KCNH7: variants seen among roughly 807,000 people sequenced by gnomAD.
KCNH7 encodes voltage-gated inwardly rectifying potassium channel KCNH7.
A neutral mutation model predicts 120.8 loss-of-function variants in KCNH7; 49 were observed. That is an observed-to-expected ratio of 0.41 (90% confidence interval 0.32 to 0.51). KCNH7 has a LOEUF of 0.51. Ranked by LOEUF, KCNH7 falls within the 20% of genes least tolerant of loss-of-function variation. KCNH7 has a pLI of 0.38. For missense variants in KCNH7, 1,097 were observed against 1,446.6 expected (o/e 0.76, Z 3.92); for synonymous variants, 547 against 516.1 (o/e 1.06, Z -0.81).
At chr2:162,506,721 A>G (rs542731329) in intron 5 of KCNH7, among the ~76,000 whole-genome samples, 1 of 151,930 alleles carries the variant, frequency 6.6e-6, no homozygotes, top group Admixed American at 6.6e-5. Context: ...CACCGATTCT[A>G]CAATGTTAAT....
intron 2 of KCNH7, among the ~76,000 whole-genome samples, chr2:162,829,686 A>G (rs984084642): frequency 3.9e-5 from 6 of 152,094 alleles, no homozygotes; most frequent in Middle Eastern, 3.2e-3. Context: ...TATGAAGATG[A>G]TTTAATATCT....
chr2:162,601,933 T>C (rs1173025889), intron 2 of KCNH7, among the ~76,000 whole-genome samples: 1 of 152,174 alleles, frequency 6.6e-6, no homozygotes, highest in East Asian at 1.9e-4. Flanking sequence ...TAAAAAGAAA[T>C]TATTACAAAA....
chr2:162,510,110 A>G (rs1691019354), intron 5 of KCNH7, among the ~76,000 whole-genome samples: 1 of 151,580 alleles, frequency 6.6e-6, no homozygotes, highest in Non-Finnish European at 1.5e-5. Context: ...AAATTATAAT[A>G]CATACATATG....
chr2:162,417,427 C>G (rs1007666373), intron 9 of KCNH7, among the ~76,000 whole-genome samples: 13 of 152,084 alleles, frequency 8.5e-5, no homozygotes, highest in Non-Finnish European at 1.2e-4. Context: ...CACATCATAC[C>G]CTTCAGCATA....
intron 2 of KCNH7, among the ~76,000 whole-genome samples, chr2:162,722,827 T>C (rs1687373327): frequency 6.8e-6 from 1 of 147,504 alleles, no homozygotes; most frequent in Non-Finnish European, 1.5e-5. Flanking sequence ...TTTTTTTTTT[T>C]TTTTGCTTCT....
chr2:162,598,754 A>T (rs1694457584), intron 2 of KCNH7, among the ~76,000 whole-genome samples: 1 of 152,148 alleles, frequency 6.6e-6, no homozygotes, highest in African/African-American at 2.4e-5. Context: ...ATAGTATAAA[A>T]GGTTTCACCC....
chr2:162,623,242 TCA>T (rs1419481232), intron 2 of KCNH7, among the ~76,000 whole-genome samples: 1 of 152,168 alleles, frequency 6.6e-6, no homozygotes, highest in East Asian at 1.9e-4. Context: ...CAAATATTTG[TCA>T]GTCACTAACA....
At chr2:162,544,512 G>A (rs1388097275) in intron 2 of KCNH7, among the ~76,000 whole-genome samples, 5 of 152,042 alleles carry the variant, frequency 3.3e-5, no homozygotes, top group Non-Finnish European at 4.4e-5. Context: ...TGTCCCTCCC[G>A]TCCCTTGGTC....
At chr2:162,776,706 C>T (rs1683254908) in intron 2 of KCNH7, among the ~76,000 whole-genome samples, 1 of 152,142 alleles carries the variant, frequency 6.6e-6, no homozygotes, top group Admixed American at 6.6e-5. Context: ...GACTGTACTG[C>T]ATTCCATAAT....
intron 2 of KCNH7, among the ~76,000 whole-genome samples, chr2:162,638,878 C>T (rs1356909586): frequency 6.6e-6 from 1 of 152,116 alleles, no homozygotes; most frequent in Non-Finnish European, 1.5e-5. Context: ...TGGTGAACTG[C>T]AAGCTATTTT....
At chr2:162,461,790 G>A (rs1689156152) in intron 6 of KCNH7, among the ~76,000 whole-genome samples, 1 of 152,162 alleles carries the variant, frequency 6.6e-6, no homozygotes, top group Non-Finnish European at 1.5e-5. Context: ...GCAAGTGATA[G>A]CATATGTCCT....
chr2:162,449,977 T>C (rs1314688407), intron 6 of KCNH7, among the ~76,000 whole-genome samples: 1 of 152,098 alleles, frequency 6.6e-6, no homozygotes, highest in Non-Finnish European at 1.5e-5. Flanking sequence ...GAAATTTGAC[T>C]ATTGTGTATG....
At chr2:162,731,249 TA>T (rs1175022805) in intron 2 of KCNH7, among the ~76,000 whole-genome samples, 2 of 148,696 alleles carry the variant, frequency 1.3e-5, no homozygotes, top group African/African-American at 2.4e-5. Context: ...TGTGTGTGTG[TA>T]TAATATTATA....
intron 2 of KCNH7, among the ~76,000 whole-genome samples, chr2:162,572,839 T>A (rs551474191): frequency 3.0e-4 from 45 of 151,008 alleles, no homozygotes; most frequent in Non-Finnish European, 5.6e-4. Flanking sequence ...TAGGTGGGAA[T>A]TGAACACTGA....
chr2:162,600,607 C>G (rs1694519678), intron 2 of KCNH7, among the ~76,000 whole-genome samples: 1 of 151,884 alleles, frequency 6.6e-6, no homozygotes, highest in African/African-American at 2.4e-5. Flanking sequence ...CTTTCAAAGT[C>G]AGCTCTGTAT....
At chr2:162,545,450 C>T (rs745545697) in intron 2 of KCNH7, among the ~76,000 whole-genome samples, 3 of 152,034 alleles carry the variant, frequency 2.0e-5, no homozygotes, top group Non-Finnish European at 4.4e-5. Context: ...TCAAAGGTCA[C>T]CCAGGTCACC....
intron 2 of KCNH7, among the ~76,000 whole-genome samples, chr2:162,692,875 G>A (rs1186759072): frequency 6.6e-6 from 1 of 152,068 alleles, no homozygotes; most frequent in East Asian, 1.9e-4. Context: ...AATCCAGCAA[G>A]AGAGAGTGTA....
chr2:162,423,468 G>A lies in KCNH7; in HGVS notation c.2022C>T (p.Ala674=). Residue 674 remains alanine, a synonymous_variant, in exon 9 of 16, where the codon GCC becomes GCT. Coordinates refer to ENST00000332142, the MANE Select transcript of KCNH7 (RefSeq NM_033272.4). The stretch of plus-strand genomic sequence containing the variant: ...CTCGCAGCATCTGCATGTGGTACCT[G>A]GCAGTTCCCGAGTATAGTCTTTGGA... ...AIIQRLYSGT[A]RYHMQMLRVK... 1.2e-6 allele frequency: 2 copies of A among 1,614,042 alleles called. No homozygotes were observed. Among genetic ancestry groups the A allele is most frequent in the Middle Eastern group, 1.7e-4 (1 of 6,060 alleles).
chr2:162,507,013 A>G (rs548308253), intron 5 of KCNH7, among the ~76,000 whole-genome samples: 31 of 152,020 alleles, frequency 2.0e-4, no homozygotes, highest in African/African-American at 7.5e-4. Context: ...TGTTTCACAT[A>G]TAAACACCAC....
Sources: allele counts gnomAD v4.1 joint callset (sites outside exome capture counted in the v4.1 genomes callset), GRCh38; gene constraint gnomAD v4.1.1; transcripts MANE v1.5; gene names NCBI Gene and HGNC (gene_info 2026-07-23, HGNC 2026-07-21).